FAM227B: variants seen among roughly 807,000 people sequenced by gnomAD.
FAM227B encodes protein FAM227B.
In FAM227B, 88 loss-of-function variants were observed where a neutral mutation model predicts 73.8. The ratio of observed to expected loss-of-function variants is 1.19; its 90% CI spans 1.00 to 1.42. The LOEUF is 1.42. Among genes scored for constraint, FAM227B ranks in the 40% most tolerant of loss-of-function variants. The pLI is 0.00. For missense variants in FAM227B, 632 were observed against 590.9 expected (o/e 1.07, Z -0.72); for synonymous variants, 210 against 190.5 (o/e 1.10, Z -0.84).
chr15:49,466,315 G>C (rs1489367918), intron 11 of FAM227B, among the ~76,000 whole-genome samples: 1 of 152,178 alleles, frequency 6.6e-6, no homozygotes, highest in African/African-American at 2.4e-5. Flanking sequence ...GGAAGTACTT[G>C]AGTAGAGCAT....
chr15:49,333,272 C>T (rs1449337963), intron 14 of FAM227B, among the ~76,000 whole-genome samples: 1 of 152,168 alleles, frequency 6.6e-6, no homozygotes, highest in Admixed American at 6.5e-5. Flanking sequence ...TTTCTGATTG[C>T]CTTTCCTCTC....
chr15:49,403,911 C>G (rs978958002), intron 11 of FAM227B, among the ~76,000 whole-genome samples: 1 of 152,044 alleles, frequency 6.6e-6, no homozygotes, highest in Non-Finnish European at 1.5e-5. Flanking sequence ...TATACATTTC[C>G]CTCTTAACAC....
intron 13 of FAM227B, among the ~76,000 whole-genome samples, chr15:49,361,202 ATTAAT>A (rs2044170309): frequency 6.6e-6 from 1 of 152,220 alleles, no homozygotes; most frequent in Admixed American, 6.5e-5. Flanking sequence ...CAATTAAAAA[ATTAAT>A]TTAAAAAACT....
At chr15:49,465,590 AAAAAG>A (rs2054198164) in intron 11 of FAM227B, among the ~76,000 whole-genome samples, 1 of 132,700 alleles carries the variant, frequency 7.5e-6, no homozygotes, top group African/African-American at 3.1e-5. Context: ...GCCAAAACCA[AAAAAG>A]AGAGACCTAT....
chr15:49,572,662 C>T (rs959601408), intron 8 of FAM227B, among the ~76,000 whole-genome samples: 12 of 152,082 alleles, frequency 7.9e-5, no homozygotes, highest in Admixed American at 6.6e-5. Flanking sequence ...CTTATACCTT[C>T]TGTTTGAGAG....
chr15:49,537,175 T>C (rs1469955859), intron 10 of FAM227B, among the ~76,000 whole-genome samples: 1 of 151,642 alleles, frequency 6.6e-6, no homozygotes, highest in Admixed American at 6.6e-5. Flanking sequence ...ATTACTACTA[T>C]CTATTAATTG....
rs1339372684 is a variant in FAM227B, at chr15:49,414,717, T to C, written c.1013-43318A>G. ...TATAACAATAACTTGATCTAGGATGTGAAAGTGATAATTGATAGGAAGAAA... is the reference window on the plus strand; with the variant it reads ...TATAACAATAACTTGATCTAGGATGCGAAAGTGATAATTGATAGGAAGAAA... On this transcript the variant is annotated intron_variant, in intron 11 of 15. Coordinates refer to ENST00000299338, the MANE Select transcript of FAM227B (RefSeq NM_152647.3). Among the ~76,000 whole-genome samples, 4 of 152,056 alleles carry C rather than the reference T, an allele frequency of 2.6e-5. No individual in the cohort carries two copies. The East Asian group carries it at 7.7e-4, about 29-fold the overall frequency.
chr15:49,551,256 TGAGGGAGAGGGA>T (rs113214972), intron 9 of FAM227B, among the ~76,000 whole-genome samples: 154 of 151,710 alleles, frequency 1.0e-3, no homozygotes, highest in Non-Finnish European at 1.4e-3. Context: ...TGGCTCAGCA[TGAGGGAGAGGGA>T]GAGGGAGAGG....
chr15:49,387,807 A>G (rs2046971923), intron 11 of FAM227B, among the ~76,000 whole-genome samples: 1 of 151,754 alleles, frequency 6.6e-6, no homozygotes, highest in Non-Finnish European at 1.5e-5. Context: ...TCAATGTACA[A>G]CAATATCATT....
intron 3 of FAM227B, among the ~76,000 whole-genome samples, chr15:49,610,297 T>C (rs994525994): frequency 6.6e-6 from 1 of 151,638 alleles, no homozygotes; most frequent in Non-Finnish European, 1.5e-5. Context: ...TAAATCAAAA[T>C]AGTTACAAAA....
chr15:49,591,515 T>C (rs2076575464), intron 3 of FAM227B, among the ~76,000 whole-genome samples: 1 of 130,284 alleles, frequency 7.7e-6, no homozygotes, highest in Non-Finnish European at 1.6e-5. Context: ...TTTTGGAGTC[T>C]TGCTCTGTTG....
At chr15:49,386,235 A>G (rs759971596) in intron 11 of FAM227B, among the ~76,000 whole-genome samples, 3 of 151,730 alleles carry the variant, frequency 2.0e-5, no homozygotes, top group Non-Finnish European at 4.4e-5. Context: ...TCCAAGACAG[A>G]CCATATAATA....
intron 13 of FAM227B, among the ~76,000 whole-genome samples, chr15:49,340,731 A>T (rs961298363): frequency 1.3e-5 from 2 of 152,064 alleles, no homozygotes; most frequent in African/African-American, 2.4e-5. Flanking sequence ...GACTACGTTG[A>T]TGTTTTATAT....
chr15:49,495,847 T>C (rs1325456962), intron 11 of FAM227B, among the ~76,000 whole-genome samples: 1 of 151,738 alleles, frequency 6.6e-6, no homozygotes, highest in Non-Finnish European at 1.5e-5. Context: ...ACATGGAGAA[T>C]CCCTGTCTCT....
chr15:49,430,309 T>C (rs538142937), intron 11 of FAM227B, among the ~76,000 whole-genome samples: 2 of 151,974 alleles, frequency 1.3e-5, no homozygotes, highest in South Asian at 2.1e-4. Flanking sequence ...AGTAGGGTAC[T>C]TGAAGTACAG....
intron 10 of FAM227B, among the ~76,000 whole-genome samples, chr15:49,521,321 G>C (rs1266025238): frequency 6.6e-6 from 1 of 152,198 alleles, no homozygotes; most frequent in Non-Finnish European, 1.5e-5. Flanking sequence ...AAGGGGCAGT[G>C]CAGCCCATTA....
intron 5 of FAM227B, among the ~76,000 whole-genome samples, chr15:49,585,323 C>T (rs1483748409): frequency 1.3e-5 from 2 of 152,080 alleles, no homozygotes; most frequent in South Asian, 2.1e-4. Flanking sequence ...ACCATTTGAC[C>T]CAGCCATCCC....
chr15:49,509,924 T>G (rs1165397928), intron 10 of FAM227B, among the ~76,000 whole-genome samples: 1 of 152,122 alleles, frequency 6.6e-6, no homozygotes, highest in East Asian at 1.9e-4. Flanking sequence ...TTTATAAAAT[T>G]TATACAGACA....
At chr15:49,531,366 A>T (rs1049037682) in intron 10 of FAM227B, among the ~76,000 whole-genome samples, 7 of 151,958 alleles carry the variant, frequency 4.6e-5, no homozygotes, top group African/African-American at 1.7e-4. Flanking sequence ...AATGTTAAAA[A>T]CAAATAATCA....
Sources: allele counts gnomAD v4.1 joint callset (sites outside exome capture counted in the v4.1 genomes callset), GRCh38; gene constraint gnomAD v4.1.1; transcripts MANE v1.5; gene names NCBI Gene and HGNC (gene_info 2026-07-23, HGNC 2026-07-21).